The following TMEM164 variants were observed in gnomAD, a reference collection of about 807,000 sequenced individuals.
TMEM164 encodes transmembrane protein 164, also known as RP13-360B22.2.
A neutral mutation model predicts 18.8 loss-of-function variants in TMEM164; 4 were observed. The observed-to-expected ratio is 0.21, with a 90% CI of 0.10 to 0.49. The LOEUF is 0.49. Among genes scored for constraint, TMEM164 ranks in the 20% least tolerant of loss-of-function variants. The pLI is 0.98. For missense variants in TMEM164, 108 were observed against 239.9 expected (o/e 0.45, Z 3.63); for synonymous variants, 86 against 101.7 (o/e 0.85, Z 0.93).
intron 4 of TMEM164, among the ~76,000 whole-genome samples, chrX:110,125,324 T>C (rs2066513638): frequency 1.8e-5 from 2 of 111,722 alleles, no homozygotes; most frequent in Admixed American, 1.9e-4. Context: ...AAATGATTGT[T>C]GCGGGGAGGA....
At chrX:110,006,432 C>T (rs745708174) in intron 2 of TMEM164, among the ~76,000 whole-genome samples, 1 of 111,186 alleles carries the variant, frequency 9.0e-6, no homozygotes, top group African/African-American at 3.3e-5. Flanking sequence ...AATTATGCTT[C>T]TTTGCCCTTT....
chrX:110,039,297 C>G (rs1246267171), intron 2 of TMEM164, among the ~76,000 whole-genome samples: 3 of 112,399 alleles, frequency 2.7e-5, no homozygotes, highest in Non-Finnish European at 5.6e-5. Flanking sequence ...CTTGCTTTTG[C>G]CTTCCTGAAG....
chrX:110,103,953 AG>A (rs1351327504), intron 3 of TMEM164, among the ~76,000 whole-genome samples: 1 of 111,247 alleles, frequency 9.0e-6, no homozygotes, highest in Non-Finnish European at 1.9e-5. Context: ...TATTGGAAAA[AG>A]GTTTGGGGGT....
chrX:110,173,303 G>A lies in TMEM164; in HGVS notation c.746G>A (p.Gly249Asp). Reference sequence around the variant, plus strand: ...CCGGCCATCTCAGACCCATTCTACGGCCCCTGGTATCGCATCTGGGCCTCG... The same window carrying A: ...CCGGCCATCTCAGACCCATTCTACGACCCCTGGTATCGCATCTGGGCCTCG... ...LCPAISDPFY[G>D]PWYRIWASGH... The change falls in exon 7 of 7, where the codon GGC (glycine) becomes GAC (aspartate). Residue 249 changes from glycine to aspartate, a missense_variant. Transcript: ENST00000372068. The A allele has an allele frequency of 8.3e-7, 1 of 1,211,267 alleles. No homozygotes were observed. Among genetic ancestry groups the A allele is most frequent in the Non-Finnish European group, 1.1e-6 (1 of 895,392 alleles).
chrX:110,084,198 T>A (rs1279662359), intron 3 of TMEM164, among the ~76,000 whole-genome samples: 3 of 105,809 alleles, frequency 2.8e-5, no homozygotes, highest in Non-Finnish European at 5.8e-5. Flanking sequence ...AATTATCAAG[T>A]CCTCACAAAA....
chrX:110,067,265 T>C (rs1485562174), intron 2 of TMEM164, 82 bp from the exon 3 acceptor site: 7 of 976,764 alleles, frequency 7.2e-6, no homozygotes, highest in African/African-American at 3.8e-5. Context: ...TTGGTTATTT[T>C]TTGTTATTGT....
intron 2 of TMEM164, among the ~76,000 whole-genome samples, chrX:110,031,850 C>CT (rs936871206): frequency 3.8e-5 from 4 of 105,864 alleles, no homozygotes; most frequent in African/African-American, 1.1e-4. Flanking sequence ...TAGTCCTGCT[C>CT]TTTTTTTTTC....
rs2067305216 is a variant in TMEM164, at chrX:110,177,713, A to G, written c.*4262A>G. The G allele has an allele frequency of 8.9e-6, 1 of 112,513 alleles. No homozygotes were observed. Among genetic ancestry groups the G allele is most frequent in the Admixed American group, 9.4e-5 (1 of 10,691 alleles). 9.3% of individuals were successfully genotyped at this position (112,513 alleles called of 1,213,427 possible). ...TGTTTCTGTTGTTGAAGATCCTTGAATGAAAAGGAACCCTCACCATGGGGC... is the reference window on the plus strand; with the variant it reads ...TGTTTCTGTTGTTGAAGATCCTTGAGTGAAAAGGAACCCTCACCATGGGGC... On this transcript the variant is annotated 3_prime_UTR_variant, in exon 7 of 7. Coordinates refer to ENST00000372068, the MANE Select transcript of TMEM164 (RefSeq NM_032227.4).
intron 4 of TMEM164, among the ~76,000 whole-genome samples, chrX:110,112,147 G>A (rs952328057): frequency 1.3e-4 from 14 of 110,913 alleles, no homozygotes; most frequent in Admixed American, 9.6e-4. Flanking sequence ...ATTGAGGGCA[G>A]CATGATGAAA....
Position 110,092,074 on chromosome X carries a change from G to C in TMEM164, c.441-17006G>C, listed in dbSNP as rs774890424. 4.5e-5 allele frequency among the ~76,000 whole-genome samples: 5 copies of C among 111,956 alleles called. No individual in the cohort carries two copies. In the East Asian group the frequency reaches 1.4e-3, roughly 31 times the overall value. ...TTCTGTTCCATTGGTCCATATCTCT[G>C]TTTTGGTACCAGTACCATGCTGTTT... On this transcript the variant is annotated intron_variant, in intron 3 of 6. Coordinates refer to ENST00000372068, the MANE Select transcript of TMEM164 (RefSeq NM_032227.4).
intron 2 of TMEM164, among the ~76,000 whole-genome samples, chrX:110,052,553 C>CTGA (rs1935606751): frequency 9.0e-6 from 1 of 111,456 alleles, no homozygotes; most frequent in South Asian, 3.7e-4. Context: ...CAGCAAGTAC[C>CTGA]TGATGAGCAT....
downstream of TMEM164, among the ~76,000 whole-genome samples, chrX:110,183,621 C>T (rs1328845633): frequency 8.9e-6 from 1 of 112,252 alleles, no homozygotes; most frequent in Admixed American, 9.4e-5. Flanking sequence ...ACCATTGTCA[C>T]CATCATCATC....
intron 3 of TMEM164, among the ~76,000 whole-genome samples, chrX:110,089,920 G>A: frequency 8.9e-6 from 1 of 112,518 alleles, no homozygotes. Context: ...ATAATTGTTA[G>A]TAGTAGCGTA....
chrX:110,171,117 A>G (rs1380316039), intron 5 of TMEM164, among the ~76,000 whole-genome samples: 1 of 112,516 alleles, frequency 8.9e-6, no homozygotes, highest in African/African-American at 3.2e-5. Flanking sequence ...TGAGGCAGAG[A>G]AAATGACCAA....
intron 2 of TMEM164, among the ~76,000 whole-genome samples, chrX:110,013,992 C>G (rs775011434): frequency 9.0e-6 from 1 of 111,675 alleles, no homozygotes; most frequent in African/African-American, 3.3e-5. Context: ...TACTTAACCT[C>G]TCTGAGCCTG....
intron 2 of TMEM164, among the ~76,000 whole-genome samples, chrX:110,023,036 G>A (rs1933989747): frequency 8.9e-6 from 1 of 112,242 alleles, no homozygotes; most frequent in African/African-American, 3.2e-5. Flanking sequence ...GCCCTTGAAG[G>A]ACAGGTGAAC....
At chrX:110,163,493 T>G (rs765525866) in intron 5 of TMEM164, among the ~76,000 whole-genome samples, 2 of 111,872 alleles carry the variant, frequency 1.8e-5, no homozygotes, top group African/African-American at 6.5e-5. Flanking sequence ...ACTAACCACA[T>G]TTCAAGTGCC....
chrX:110,140,586 C>T (rs763500496), intron 4 of TMEM164, among the ~76,000 whole-genome samples: 5 of 111,524 alleles, frequency 4.5e-5, no homozygotes, highest in African/African-American at 6.5e-5. Context: ...ACAGAGTCCA[C>T]GCACCTACTG....
At chrX:110,157,114 C>G (rs1279864862) in intron 5 of TMEM164, among the ~76,000 whole-genome samples, 2 of 111,439 alleles carry the variant, frequency 1.8e-5, no homozygotes, top group Non-Finnish European at 3.8e-5. Flanking sequence ...AATGAATGAG[C>G]TGGTCCAGGG....
Sources: allele counts gnomAD v4.1 joint callset (sites outside exome capture counted in the v4.1 genomes callset), GRCh38; gene constraint gnomAD v4.1.1; transcripts MANE v1.5; gene names NCBI Gene and HGNC (gene_info 2026-07-23, HGNC 2026-07-21).